Variants in PRKG1 observed in about 807,000 individuals in gnomAD.
PRKG1 encodes protein kinase cGMP-dependent 1, also known as cGMP-dependent protein kinase 1.
A neutral mutation model predicts 88.1 loss-of-function variants in PRKG1; 35 were observed. The observed-to-expected ratio is 0.40, with a 90% CI of 0.30 to 0.53. The LOEUF (loss-of-function observed/expected upper bound fraction) is 0.53. PRKG1 is among the 20% of genes least tolerant of loss of function. The pLI is 0.59. For synonymous variants in PRKG1, 303 were observed against 292.5 expected, an observed-to-expected ratio of 1.04 and a Z score of -0.37; for missense variants, 540 against 839.8, an observed-to-expected ratio of 0.64 and a Z score of 4.41.
intron 3 of PRKG1, among the ~76,000 whole-genome samples, chr10:51,574,893 G>T (rs967575045): frequency 3.3e-5 from 5 of 151,954 alleles, no homozygotes; most frequent in Admixed American, 6.6e-5. Context: ...GGTAACAAAA[G>T]CCTAGAGCTT....
chr10:51,258,043 G>A (rs1175835982), intron 2 of PRKG1, among the ~76,000 whole-genome samples: 2 of 152,160 alleles, frequency 1.3e-5, no homozygotes, highest in Non-Finnish European at 2.9e-5. Context: ...AGAAGGTGGG[G>A]ACAGTGAAGG....
intron 3 of PRKG1, among the ~76,000 whole-genome samples, chr10:51,762,183 G>T (rs1048534813): frequency 6.6e-5 from 10 of 152,134 alleles, no homozygotes; most frequent in African/African-American, 2.4e-4. Flanking sequence ...TTCAAAGGAT[G>T]GTGAATAAGG....
chr10:51,181,685 A>G (rs1014850996), intron 2 of PRKG1, among the ~76,000 whole-genome samples: 1 of 152,178 alleles, frequency 6.6e-6, no homozygotes, highest in Non-Finnish European at 1.5e-5. Flanking sequence ...TGTCACATGT[A>G]TTGTCTCATT....
chr10:51,967,617 C>T (rs1000091490), intron 5 of PRKG1, among the ~76,000 whole-genome samples: 19 of 152,096 alleles, frequency 1.2e-4, no homozygotes, highest in African/African-American at 4.6e-4. Flanking sequence ...TCAATGGCCT[C>T]AGCCCATTGG....
chr10:51,456,016 G>C (rs1475810936), intron 2 of PRKG1, among the ~76,000 whole-genome samples: 1 of 152,186 alleles, frequency 6.6e-6, no homozygotes, highest in Non-Finnish European at 1.5e-5. Context: ...ACATACCTGA[G>C]ACTGGGTAAT....
At chr10:51,697,926 CTCCTCCTTGTATACT>C (rs767734282) in intron 3 of PRKG1, 3 of 1,599,038 alleles carry the variant, frequency 1.9e-6, no homozygotes, top group African/African-American at 2.7e-5. Flanking sequence ...CCTTGTATAC[CTCCTCCTTGTATACT>C]GACTCCTTGT....
chr10:51,479,008 A>G (rs918890469), intron 3 of PRKG1, among the ~76,000 whole-genome samples: 30 of 152,058 alleles, frequency 2.0e-4, no homozygotes, highest in African/African-American at 7.2e-4. Flanking sequence ...AAATACGTCA[A>G]GATACCTTAA....
chr10:51,416,828 G>C (rs1305395883), intron 2 of PRKG1, among the ~76,000 whole-genome samples: 1 of 152,166 alleles, frequency 6.6e-6, no homozygotes, highest in Non-Finnish European at 1.5e-5. Flanking sequence ...AGAATTCAAA[G>C]AACAGCTTTG....
intron 3 of PRKG1, among the ~76,000 whole-genome samples, chr10:51,524,638 T>C (rs1265677451): frequency 1.3e-5 from 2 of 152,220 alleles, no homozygotes; most frequent in East Asian, 3.9e-4. Flanking sequence ...CATGTTTTGC[T>C]GACCTCTGAT....
intron 2 of PRKG1, among the ~76,000 whole-genome samples, chr10:51,456,877 A>G (rs1839600591): frequency 6.6e-6 from 1 of 152,230 alleles, no homozygotes; most frequent in African/African-American, 2.4e-5. Context: ...AATGAAAACC[A>G]CAAAGAGATA....
chr10:52,076,274 G>T (rs1203452523), intron 7 of PRKG1, among the ~76,000 whole-genome samples: 1 of 152,150 alleles, frequency 6.6e-6, no homozygotes, highest in African/African-American at 2.4e-5. Context: ...GGAAAAAAAG[G>T]GGCCGGGCCC....
intron 9 of PRKG1, among the ~76,000 whole-genome samples, chr10:52,184,403 C>A (rs1450188232): frequency 6.6e-6 from 1 of 152,062 alleles, no homozygotes; most frequent in Admixed American, 6.5e-5. Flanking sequence ...AATTTAGAGG[C>A]TGAATTTCCT....
intron 3 of PRKG1, among the ~76,000 whole-genome samples, chr10:51,766,459 A>C (rs1475723544): frequency 6.6e-6 from 1 of 152,092 alleles, no homozygotes; most frequent in Non-Finnish European, 1.5e-5. Flanking sequence ...GGCTGTTGGC[A>C]TATCTTAGGC....
Position 52,297,613 on chromosome 10 carries a change from T to C in PRKG1, c.*3713T>C, listed in dbSNP as rs1021243936. Reference sequence around the variant, plus strand: ...GCGTCATTTCTGTGAAATGTATAAATGTATGTGCAGGTCAAATTAATATAT... The same window carrying C: ...GCGTCATTTCTGTGAAATGTATAAACGTATGTGCAGGTCAAATTAATATAT... On this transcript the variant is annotated 3_prime_UTR_variant, in exon 18 of 18. Coordinates refer to ENST00000373980, the MANE Select transcript of PRKG1 (RefSeq NM_006258.4). 1.3e-5 allele frequency: 2 copies of C among 152,210 alleles called. No homozygotes were observed. Among genetic ancestry groups the C allele is most frequent in the Non-Finnish European group, 1.5e-5 (1 of 68,032 alleles). 9.4% of individuals were successfully genotyped at this position (152,210 alleles called of 1,614,324 possible).
chr10:51,543,615 G>A (rs568900825), intron 3 of PRKG1, among the ~76,000 whole-genome samples: 1 of 152,304 alleles, frequency 6.6e-6, no homozygotes, highest in African/African-American at 2.4e-5. Flanking sequence ...TGTGCAGAAT[G>A]TGCAGCCTGT....
intron 3 of PRKG1, chr10:51,699,501 A>C: frequency 6.2e-7 from 1 of 1,613,538 alleles, no homozygotes; most frequent in Non-Finnish European, 8.5e-7. Flanking sequence ...ACGAACACGG[A>C]ACGCAGTGAT....
intron 2 of PRKG1, among the ~76,000 whole-genome samples, chr10:51,371,982 C>G (rs1347247890): frequency 6.6e-6 from 1 of 152,080 alleles, no homozygotes; most frequent in African/African-American, 2.4e-5. Context: ...CCTAGGCAAC[C>G]AGTACACATT....
intron 1 of PRKG1, among the ~76,000 whole-genome samples, chr10:51,093,150 G>A (rs1246668623): frequency 1.3e-5 from 2 of 152,106 alleles, no homozygotes; most frequent in Admixed American, 1.3e-4. Flanking sequence ...GTGAGCCCTG[G>A]ACAAACAGCT....
chr10:51,964,039 GT>G (rs529172722), intron 5 of PRKG1, among the ~76,000 whole-genome samples: 1 of 152,022 alleles, frequency 6.6e-6, no homozygotes, highest in Non-Finnish European at 1.5e-5. Context: ...GAAAAAATCT[GT>G]TTTTTTGCCT....
Sources: gnomAD v4.1 joint callset for allele counts (sites outside exome capture counted in the v4.1 genomes callset) on GRCh38, gnomAD v4.1.1 for gene constraint, MANE v1.5 for transcripts, NCBI Gene and HGNC (gene_info 2026-07-23, HGNC 2026-07-21) for gene names.